SYT1: variants seen among roughly 807,000 people sequenced by gnomAD.
SYT1 encodes synaptotagmin 1.
Under a neutral mutation model 44.8 loss-of-function variants are expected in SYT1, and 8 were observed. The ratio of observed to expected loss-of-function variants is 0.18; its 90% confidence interval spans 0.10 to 0.32. The LOEUF (loss-of-function observed/expected upper bound fraction) is 0.32, where lower values mean the gene tolerates loss of function less well. SYT1 is among the 10% of genes least tolerant of loss of function. SYT1 has a pLI of 1.00. For missense variants in SYT1, 286 were observed against 509.3 expected, an observed-to-expected ratio of 0.56 and a Z score of 4.22; for synonymous variants, 154 against 188.8, an observed-to-expected ratio of 0.82 and a Z score of 1.51.
At chr12:79,414,779 T>C (rs12423164) in intron 9 of SYT1, among the ~76,000 whole-genome samples, 20,832 of 152,100 alleles carry the variant, frequency 0.14, 1,863 homozygotes, top group Middle Eastern at 0.34. Context: ...AAAGCAGAGA[T>C]GAATGAGGGC....
At chr12:79,276,961 GGAGGAGGAGGAA>G (rs1227430839) in intron 4 of SYT1, among the ~76,000 whole-genome samples, 14 of 148,520 alleles carry the variant, frequency 9.4e-5, no homozygotes, top group East Asian at 4.0e-4. Flanking sequence ...AGAAGGAGGA[GGAGGAGGAGGAA>G]GAGGAGGAGG....
chr12:79,406,094 GT>G (rs1312271350), intron 9 of SYT1, among the ~76,000 whole-genome samples: 4 of 152,148 alleles, frequency 2.6e-5, no homozygotes, highest in South Asian at 2.1e-4. Context: ...GTAAGACCAA[GT>G]GGAGCATTGC....
rs1287354363 is a variant in SYT1 at position 78,922,618 on chromosome 12, G to A, written c.-216-55181G>A. Among the ~76,000 whole-genome samples the A allele has an allele frequency of 2.0e-5, 3 of 151,802 alleles. No homozygotes were observed. The South Asian group carries it at 6.2e-4, about 31-fold the overall frequency. On this transcript the variant is annotated intron_variant, in intron 1 of 10. Transcript: ENST00000261205. ...GCTCTTAATATTATGAAATCATAGAGCCTCTGTTGAAAGAGACCTTAAAAG... is the reference window on the plus strand; with the variant it reads ...GCTCTTAATATTATGAAATCATAGAACCTCTGTTGAAAGAGACCTTAAAAG...
rs567836090 is a variant in SYT1, at chr12:79,423,610, T to C, written c.929-20463T>C. ...CCTCTTACTCTTGGCTAAAAAACATTTCAAGGACTTAAACTGTGGAATAGT... is the reference window on the plus strand; with the variant it reads ...CCTCTTACTCTTGGCTAAAAAACATCTCAAGGACTTAAACTGTGGAATAGT... On this transcript the variant is annotated intron_variant, in intron 9 of 10. Coordinates refer to ENST00000261205, the MANE Select transcript of SYT1 (RefSeq NM_005639.3). 2.6e-5 allele frequency among the ~76,000 whole-genome samples: 4 copies of C among 152,228 alleles called. No individual in the cohort carries two copies. In the South Asian group the frequency reaches 8.3e-4, roughly 32 times the overall value.
chr12:79,249,166 G>A (rs1276651923), intron 4 of SYT1, among the ~76,000 whole-genome samples: 1 of 135,806 alleles, frequency 7.4e-6, no homozygotes, highest in African/African-American at 2.8e-5. Flanking sequence ...CTGCAGTGGC[G>A]CAATCTCGGC....
At chr12:78,909,040 C>A (rs1876155867) in intron 1 of SYT1, among the ~76,000 whole-genome samples, 1 of 151,874 alleles carries the variant, frequency 6.6e-6, no homozygotes, top group African/African-American at 2.4e-5. Flanking sequence ...CTCTGTATTG[C>A]TCCTCCCTGT....
intron 8 of SYT1, among the ~76,000 whole-genome samples, chr12:79,344,260 A>T (rs1882505202): frequency 6.6e-6 from 1 of 152,042 alleles, no homozygotes; most frequent in African/African-American, 2.4e-5. Context: ...ACCTCACCAA[A>T]CATGCCTTTT....
chr12:79,269,309 A>G (rs1246134582), intron 4 of SYT1, among the ~76,000 whole-genome samples: 2 of 152,046 alleles, frequency 1.3e-5, no homozygotes, highest in Non-Finnish European at 2.9e-5. Flanking sequence ...TTCTCTAACC[A>G]GCTACCTATA....
intron 4 of SYT1, among the ~76,000 whole-genome samples, chr12:79,233,098 T>C (rs1046151806): frequency 1.3e-5 from 2 of 152,198 alleles, no homozygotes; most frequent in Non-Finnish European, 2.9e-5. Context: ...TATTTTTTTC[T>C]CTACCTGTCT....
At chr12:79,344,072 C>T (rs569686130) in intron 8 of SYT1, among the ~76,000 whole-genome samples, 51 of 152,276 alleles carry the variant, frequency 3.3e-4, no homozygotes, top group African/African-American at 1.2e-3. Context: ...CCAGAAGAAC[C>T]TTCAGGACTG....
intron 3 of SYT1, among the ~76,000 whole-genome samples, chr12:79,159,137 T>C (rs572308312): frequency 6.6e-6 from 1 of 152,136 alleles, no homozygotes; most frequent in Non-Finnish European, 1.5e-5. Context: ...CTGCAAACAA[T>C]AGAGAGACAG....
At chr12:79,053,721 A>T (rs147729191) in intron 3 of SYT1, among the ~76,000 whole-genome samples, 3 of 151,302 alleles carry the variant, frequency 2.0e-5, no homozygotes, top group Non-Finnish European at 2.9e-5. Flanking sequence ...GTATTATTAC[A>T]TAAAACTTAG....
chr12:78,894,330 G>GTTTTTTTTTTTTTTTTTTTATTTTTTT (rs1875228339), intron 1 of SYT1, among the ~76,000 whole-genome samples: 1 of 27,710 alleles, frequency 3.6e-5, no homozygotes, highest in African/African-American at 1.2e-4. Context: ...TTTTTAATCT[G>GTTTTTTTTTTTTTTTTTTTATTTTTTT]TTTTTTTTTT....
At position 79,412,608 on chromosome 12, in the gene SYT1, AC is replaced by A; in HGVS notation, c.929-31463del. On this transcript the variant is annotated intron_variant, in intron 9 of 10. Coordinates refer to ENST00000261205, the MANE Select transcript of SYT1 (RefSeq NM_005639.3). ...CTGTCCTGCTCATGTCTGACCAGCCACCTACTGTAACACTATTGTTAATCAT... is the reference window on the plus strand; with the variant it reads ...CTGTCCTGCTCATGTCTGACCAGCCACTACTGTAACACTATTGTTAATCAT... Among the ~76,000 whole-genome samples, 2 of 152,236 alleles carry A rather than the reference AC, an allele frequency of 1.3e-5. 1 individual carries two copies. Among genetic ancestry groups the A allele is most frequent in the South Asian group, 4.1e-4 (2 of 4,824 alleles).
chr12:79,284,553 T>C (rs183362654), intron 4 of SYT1, among the ~76,000 whole-genome samples: 1 of 152,124 alleles, frequency 6.6e-6, no homozygotes, highest in Admixed American at 6.5e-5. Flanking sequence ...GATAGCTAAC[T>C]TTGGCCAGGT....
intron 4 of SYT1, among the ~76,000 whole-genome samples, chr12:79,284,837 CAA>C (rs36090267): frequency 8.9e-4 from 105 of 117,802 alleles, no homozygotes; most frequent in South Asian, 1.1e-3. Context: ...GACTCCATCT[CAA>C]AAAAAAAAAA....
At chr12:79,301,568 T>C (rs747179280) in intron 8 of SYT1, among the ~76,000 whole-genome samples, 4 of 152,140 alleles carry the variant, frequency 2.6e-5, no homozygotes, top group Admixed American at 6.6e-5. Context: ...GTACCCAGCA[T>C]AGAGTCTGGC....
intron 10 of SYT1, 39 bp from the exon 11 acceptor site, chr12:79,448,877 TAG>T: frequency 6.3e-7 from 1 of 1,596,588 alleles, no homozygotes; most frequent in Non-Finnish European, 8.6e-7. Context: ...GCCTTATCTC[TAG>T]AGCTAGATGA....
intron 4 of SYT1, among the ~76,000 whole-genome samples, chr12:79,260,802 CAT>C (rs1480006510): frequency 1.9e-4 from 19 of 100,074 alleles, no homozygotes; most frequent in African/African-American, 5.9e-4. Flanking sequence ...ACAGAAATCT[CAT>C]ATTTTTTTTT....
Sources: gnomAD v4.1 joint callset for allele counts (sites outside exome capture counted in the v4.1 genomes callset) on GRCh38, gnomAD v4.1.1 for gene constraint, MANE v1.5 for transcripts, NCBI Gene and HGNC (gene_info 2026-07-23, HGNC 2026-07-21) for gene names.